Variants in NAALADL2 observed in about 807,000 individuals in gnomAD.
NAALADL2 encodes inactive N-acetylated-alpha-linked acidic dipeptidase-like protein 2.
Under a neutral mutation model 87.2 loss-of-function variants are expected in NAALADL2, and 76 were observed. The observed-to-expected ratio is 0.87, with a 90% CI of 0.72 to 1.05. The LOEUF (loss-of-function observed/expected upper bound fraction) is 1.05. NAALADL2 is among the 50% of genes least tolerant of loss of function. The pLI, the probability that NAALADL2 is intolerant of heterozygous loss-of-function variation, is 0.00. For missense variants in NAALADL2, 1,089 were observed against 945.8 expected (o/e 1.15, Z -1.99); for synonymous variants, 354 against 331.0 (o/e 1.07, Z -0.75).
intron 13 of NAALADL2, among the ~76,000 whole-genome samples, chr3:175,759,159 C>A (rs1469568415): frequency 6.6e-6 from 1 of 152,094 alleles, no homozygotes; most frequent in Non-Finnish European, 1.5e-5. Context: ...CTGTGCAATA[C>A]TGCTGGAAAC....
At chr3:175,412,891 TTTATTATTATTA>T (rs58135076) in intron 5 of NAALADL2, among the ~76,000 whole-genome samples, 88 of 123,006 alleles carry the variant, frequency 7.2e-4, no homozygotes, top group Middle Eastern at 4.7e-3. Context: ...ATTTAATTTA[TTTATTATTATTA>T]TTATTATTAT....
chr3:174,708,853 T>C (rs1382353292), intron 2 of NAALADL2, among the ~76,000 whole-genome samples: 1 of 152,176 alleles, frequency 6.6e-6, no homozygotes, highest in East Asian at 1.9e-4. Flanking sequence ...GAATTTTCCA[T>C]GATTAAATTT....
At chr3:174,504,156 T>C (rs1687907681) in intron 1 of NAALADL2, among the ~76,000 whole-genome samples, 1 of 152,162 alleles carries the variant, frequency 6.6e-6, no homozygotes, top group African/African-American at 2.4e-5. Context: ...TTGCCAGTGG[T>C]TGGACAAATA....
intron 9 of NAALADL2, among the ~76,000 whole-genome samples, chr3:175,535,644 T>C (rs1734713655): frequency 6.6e-6 from 1 of 152,320 alleles, no homozygotes; most frequent in East Asian, 1.9e-4. Flanking sequence ...ACTTGATTTA[T>C]AGCATTTCCT....
At chr3:174,882,889 ATG>A (rs1560320200) in intron 1 of NAALADL2, among the ~76,000 whole-genome samples, 3 of 149,874 alleles carry the variant, frequency 2.0e-5, no homozygotes, top group Non-Finnish European at 4.4e-5. Flanking sequence ...ATGTGTATAT[ATG>A]TATATATATG....
intron 3 of NAALADL2, among the ~76,000 whole-genome samples, chr3:174,791,688 G>T (rs1717468806): frequency 6.6e-6 from 1 of 152,114 alleles, no homozygotes; most frequent in African/African-American, 2.4e-5. Context: ...GCTAAGAATT[G>T]TTCCTTCACA....
chr3:175,490,441 C>T (rs1335627063), intron 9 of NAALADL2, among the ~76,000 whole-genome samples: 1 of 152,026 alleles, frequency 6.6e-6, no homozygotes, highest in Non-Finnish European at 1.5e-5. Context: ...GGCTGGAGTG[C>T]AGTGGCAGGA....
At chr3:175,784,395 T>C (rs1221715265) in intron 13 of NAALADL2, among the ~76,000 whole-genome samples, 2 of 150,368 alleles carry the variant, frequency 1.3e-5, no homozygotes, top group African/African-American at 4.9e-5. Context: ...GTTATTGGTC[T>C]ATTCAGAGAT....
intron 1 of NAALADL2, among the ~76,000 whole-genome samples, chr3:174,531,316 TGA>T (rs967377360): frequency 3.3e-5 from 5 of 152,008 alleles, no homozygotes; most frequent in African/African-American, 1.2e-4. Context: ...AGTCAAAAAT[TGA>T]GATCAGCACT....
chr3:174,991,777 T>C (rs1746785057), intron 1 of NAALADL2, among the ~76,000 whole-genome samples: 1 of 152,128 alleles, frequency 6.6e-6, no homozygotes, highest in Non-Finnish European at 1.5e-5. Context: ...GTATTATGTT[T>C]GAAAACATTA....
At chr3:175,249,266 G>T (rs1024371434) in intron 3 of NAALADL2, among the ~76,000 whole-genome samples, 3 of 151,736 alleles carry the variant, frequency 2.0e-5, no homozygotes, top group African/African-American at 4.8e-5. Flanking sequence ...AGTATTTTTT[G>T]TAAGTTAAAA....
At chr3:175,531,986 G>C (rs533237086) in intron 9 of NAALADL2, among the ~76,000 whole-genome samples, 6 of 152,244 alleles carry the variant, frequency 3.9e-5, no homozygotes, top group African/African-American at 1.2e-4. Flanking sequence ...TTTCTAAATA[G>C]AGGCAGCTCT....
chr3:175,105,477 A>G (rs1722938836), intron 2 of NAALADL2, among the ~76,000 whole-genome samples: 1 of 144,216 alleles, frequency 6.9e-6, no homozygotes, highest in South Asian at 2.2e-4. Flanking sequence ...ATATATATAA[A>G]TGGCTATGTA....
chr3:175,258,818 A>T (rs1008362272), intron 4 of NAALADL2, among the ~76,000 whole-genome samples: 3 of 152,200 alleles, frequency 2.0e-5, no homozygotes, highest in Non-Finnish European at 4.4e-5. Flanking sequence ...TGGGTTTACT[A>T]AGCATTTAAT....
At chr3:175,752,803 T>C (rs1391289585) in intron 12 of NAALADL2, among the ~76,000 whole-genome samples, 1 of 152,176 alleles carries the variant, frequency 6.6e-6, no homozygotes, top group Non-Finnish European at 1.5e-5. Flanking sequence ...TTCTGTAATG[T>C]ACTTTAGATC....
At chr3:174,618,037 A>G (rs1720638435) in intron 2 of NAALADL2, among the ~76,000 whole-genome samples, 1 of 151,760 alleles carries the variant, frequency 6.6e-6, no homozygotes, top group African/African-American at 2.4e-5. Context: ...ATGAAGAAGA[A>G]ATTCTTGACA....
intron 1 of NAALADL2, among the ~76,000 whole-genome samples, chr3:174,919,292 G>A (rs1734823977): frequency 6.6e-6 from 1 of 152,088 alleles, no homozygotes; most frequent in Non-Finnish European, 1.5e-5. Flanking sequence ...CTATTGAATA[G>A]CATTTTACCC....
chr3:174,674,074 T>A (rs1726820804), intron 2 of NAALADL2, among the ~76,000 whole-genome samples: 1 of 151,982 alleles, frequency 6.6e-6, no homozygotes. Context: ...CGTGCTGGCA[T>A]CTGCTTAGGT....
chr3:175,138,437 C>T (rs185505617), intron 2 of NAALADL2, among the ~76,000 whole-genome samples: 2 of 151,932 alleles, frequency 1.3e-5, no homozygotes, highest in South Asian at 4.1e-4. Flanking sequence ...ATTCATAACA[C>T]CCCAACAGGG....
Sources: allele counts gnomAD v4.1 joint callset (sites outside exome capture counted in the v4.1 genomes callset), GRCh38; gene constraint gnomAD v4.1.1; transcripts MANE v1.5; gene names NCBI Gene and HGNC (gene_info 2026-07-23, HGNC 2026-07-21).